The following TBC1D1 variants were observed in gnomAD, a reference collection of about 807,000 sequenced individuals.
The protein encoded by TBC1D1 is TBC1 domain family member 1, also known as TBC1 (tre-2/USP6, BUB2, cdc16) domain family, member 1.
Under a neutral mutation model 125.6 loss-of-function variants are expected in TBC1D1, and 89 were observed. That is an observed-to-expected ratio of 0.71 (90% CI 0.60 to 0.85). The LOEUF (loss-of-function observed/expected upper bound fraction) is 0.85, where lower values mean the gene tolerates loss of function less well. Ranked by LOEUF, TBC1D1 falls within the 40% of genes least tolerant of loss-of-function variation. TBC1D1 has a pLI of 0.00. For synonymous variants in TBC1D1, 565 were observed against 564.1 expected (o/e 1.00, Z -0.02); for missense variants, 1,377 against 1,469.2 (o/e 0.94, Z 1.03).
chr4:38,100,699 C>T (rs1760159487), intron 14 of TBC1D1, among the ~76,000 whole-genome samples: 1 of 151,998 alleles, frequency 6.6e-6, no homozygotes, highest in Non-Finnish European at 1.5e-5. Flanking sequence ...TGTATTTCTT[C>T]TACAGGCCAA....
At chr4:38,018,209 C>T (rs1157743298) in intron 3 of TBC1D1, 145 bp from the exon 4 acceptor site, 6 of 635,798 alleles carry the variant, frequency 9.4e-6, no homozygotes, top group Non-Finnish European at 1.6e-5. Context: ...GACCTGAAAT[C>T]CAGAGGATAA....
At chr4:38,056,110 C>T (rs1196118132) in intron 12 of TBC1D1, among the ~76,000 whole-genome samples, 1 of 152,234 alleles carries the variant, frequency 6.6e-6, no homozygotes, top group African/African-American at 2.4e-5. Flanking sequence ...GACTGAGCCG[C>T]ATCCTGCCTC....
Position 37,995,791 on chromosome 4 carries a change from G to T in TBC1D1, c.418-18718G>T. 1.9e-6 allele frequency: 1 copy of T among 539,826 alleles called. No individual in the cohort carries two copies. 33.4% of individuals were successfully genotyped at this position (539,826 alleles called of 1,614,324 possible). A position where few individuals can be genotyped will look rare whatever the true frequency, so the allele number is the denominator to read the frequency against. On this transcript the variant is annotated intron_variant, in intron 2 of 19. Coordinates refer to ENST00000261439, the MANE Select transcript of TBC1D1 (RefSeq NM_015173.4). The surrounding 1 kb of genome is among the most constrained non-coding windows in gnomAD (Gnocchi z 4.3). ...CCTCTCCAGCACCTTCTCCTGGATT[G>T]CTACCCCAAATCATTTGCATCCTCA... is the stretch of plus-strand genomic sequence containing the variant.
intron 2 of TBC1D1, among the ~76,000 whole-genome samples, chr4:37,956,402 C>T (rs1201857059): frequency 1.3e-5 from 2 of 152,116 alleles, no homozygotes; most frequent in South Asian, 4.2e-4. Flanking sequence ...GTAAGTTTCC[C>T]GAGGGCAGGG....
chr4:38,055,198 C>T (rs1049707700), intron 12 of TBC1D1, among the ~76,000 whole-genome samples: 8 of 152,192 alleles, frequency 5.3e-5, no homozygotes, highest in Non-Finnish European at 2.9e-5. Context: ...GCCTGACCAA[C>T]ACCTGATGGT....
At chr4:38,061,778 G>A (rs970103375) in intron 12 of TBC1D1, among the ~76,000 whole-genome samples, 1 of 152,180 alleles carries the variant, frequency 6.6e-6, no homozygotes, top group African/African-American at 2.4e-5. Flanking sequence ...TGCCTAAACT[G>A]AAGTATATAA....
At chr4:37,925,902 A>G (rs1226355205) in intron 2 of TBC1D1, among the ~76,000 whole-genome samples, 1 of 152,178 alleles carries the variant, frequency 6.6e-6, no homozygotes, top group Admixed American at 6.5e-5. Flanking sequence ...AATAAAACAA[A>G]AGAGAGAAAT....
chr4:38,130,752 C>G (rs1765454020), intron 18 of TBC1D1, among the ~76,000 whole-genome samples: 1 of 152,202 alleles, frequency 6.6e-6, no homozygotes, highest in African/African-American at 2.4e-5. Context: ...ATGAAAACAC[C>G]TTAAAGTGTA....
chr4:38,092,844 C>T (rs1489789537), intron 13 of TBC1D1, among the ~76,000 whole-genome samples: 2 of 152,120 alleles, frequency 1.3e-5, no homozygotes, highest in Admixed American at 6.6e-5. Context: ...CAGGAACCAG[C>T]CCTGGACCGA....
intron 8 of TBC1D1, among the ~76,000 whole-genome samples, chr4:38,036,533 C>G (rs1445241500): frequency 1.3e-5 from 2 of 152,194 alleles, no homozygotes; most frequent in African/African-American, 4.8e-5. Flanking sequence ...TTGAACACTC[C>G]CCACGTACGT....
intron 14 of TBC1D1, among the ~76,000 whole-genome samples, chr4:38,102,145 A>G (rs982178238): frequency 6.6e-6 from 1 of 151,404 alleles, no homozygotes; most frequent in Non-Finnish European, 1.5e-5. Context: ...CTAATGTTAA[A>G]TGACGAGTTA....
intron 15 of TBC1D1, among the ~76,000 whole-genome samples, chr4:38,107,410 G>A (rs191563422): frequency 2.3e-4 from 35 of 152,318 alleles, no homozygotes; most frequent in Admixed American, 2.0e-3. Context: ...GTGAAGGTGT[G>A]TAGTATAAAG....
chr4:38,056,664 T>C (rs1340494056), intron 12 of TBC1D1, among the ~76,000 whole-genome samples: 1 of 152,086 alleles, frequency 6.6e-6, no homozygotes, highest in Non-Finnish European at 1.5e-5. Context: ...AAAAATTAGC[T>C]GAGCGTGGTG....
chr4:38,045,504 G>A (rs1388103351), intron 9 of TBC1D1, among the ~76,000 whole-genome samples: 1 of 152,154 alleles, frequency 6.6e-6, no homozygotes, highest in African/African-American at 2.4e-5. Flanking sequence ...TGTGACCCAG[G>A]GGAGGGAGTT....
chr4:38,074,600 A>G (rs1755247415), intron 12 of TBC1D1, among the ~76,000 whole-genome samples: 1 of 152,106 alleles, frequency 6.6e-6, no homozygotes, highest in African/African-American at 2.4e-5. Context: ...ACTTCATTTA[A>G]TCAAAGCAGC....
At chr4:37,946,973 A>C (rs972863766) in intron 2 of TBC1D1, among the ~76,000 whole-genome samples, 5 of 152,180 alleles carry the variant, frequency 3.3e-5, no homozygotes, top group African/African-American at 1.2e-4. Context: ...AACAGCCTAC[A>C]TGTCTGGCAA....
chr4:37,961,251 G>A (rs1041865517), intron 2 of TBC1D1: 8 of 621,144 alleles, frequency 1.3e-5, no homozygotes, highest in Middle Eastern at 4.6e-4. Flanking sequence ...AGAGAAACAG[G>A]AGACAGGAAA....
chr4:38,119,882 C>G, intron 17 of TBC1D1: 1 of 894,386 alleles, frequency 1.1e-6, no homozygotes, highest in East Asian at 1.2e-4. Context: ...GAGGGGTCAT[C>G]ACTGAGTCAT....
intron 2 of TBC1D1, among the ~76,000 whole-genome samples, chr4:37,964,209 A>G (rs1730624781): frequency 6.6e-6 from 1 of 152,208 alleles, no homozygotes; most frequent in East Asian, 1.9e-4. Context: ...CCAGGGTTGG[A>G]TATGCGAAAT....
Sources: allele counts gnomAD v4.1 joint callset (sites outside exome capture counted in the v4.1 genomes callset), GRCh38; gene constraint gnomAD v4.1.1; non-coding constraint Gnocchi (gnomAD v3.1); transcripts MANE v1.5; gene names NCBI Gene and HGNC (gene_info 2026-07-23, HGNC 2026-07-21).